COL23A1: variants seen among roughly 807,000 people sequenced by gnomAD.
COL23A1 encodes collagen type XXIII alpha 1 chain, also known as collagen alpha-1(XXIII) chain.
A neutral mutation model predicts 99.3 loss-of-function variants in COL23A1; 97 were observed. That is an observed-to-expected ratio of 0.98 (90% CI 0.83 to 1.16). The LOEUF (loss-of-function observed/expected upper bound fraction) is 1.16. COL23A1 is among the 50% of genes most tolerant of loss of function. The pLI is 0.00. For missense variants in COL23A1, 762 were observed against 757.4 expected (o/e 1.01, Z -0.07); for synonymous variants, 320 against 308.2 (o/e 1.04, Z -0.40).
chr5:178,389,951 A>G (rs1561930142), intron 2 of COL23A1, among the ~76,000 whole-genome samples: 2 of 152,182 alleles, frequency 1.3e-5, no homozygotes, highest in East Asian at 1.9e-4. Context: ...CTAATCTCAC[A>G]TGCTTACAGG....
At chr5:178,286,491 G>A (rs961012247) in intron 5 of COL23A1, among the ~76,000 whole-genome samples, 1 of 152,232 alleles carries the variant, frequency 6.6e-6, no homozygotes, top group Non-Finnish European at 1.5e-5. Context: ...TTTAATTCCC[G>A]ACAGTCCTGT....
At chr5:178,420,387 CT>C (rs1227292072) in intron 2 of COL23A1, among the ~76,000 whole-genome samples, 12 of 122,284 alleles carry the variant, frequency 9.8e-5, no homozygotes, top group African/African-American at 1.7e-4. Context: ...CCCCTCCCCC[CT>C]TTCCCCCTCC....
chr5:178,352,474 T>G (rs1761385784), intron 2 of COL23A1, among the ~76,000 whole-genome samples: 1 of 152,240 alleles, frequency 6.6e-6, no homozygotes, highest in African/African-American at 2.4e-5. Context: ...TTAGAGCAAC[T>G]GCGCTTACAA....
At chr5:178,473,126 T>TC (rs1756847491) in intron 2 of COL23A1, among the ~76,000 whole-genome samples, 1 of 149,542 alleles carries the variant, frequency 6.7e-6, no homozygotes, top group Non-Finnish European at 1.5e-5. Flanking sequence ...CTCTTCGCCA[T>TC]CCCCCCAAAA....
intron 1 of COL23A1, among the ~76,000 whole-genome samples, chr5:178,577,744 G>C (rs1027312262): frequency 2.0e-5 from 3 of 152,244 alleles, no homozygotes; most frequent in Non-Finnish European, 4.4e-5. Context: ...CAAGACCAGC[G>C]AGGCGGATTC....
chr5:178,347,215 C>A (rs1440079515), intron 2 of COL23A1, among the ~76,000 whole-genome samples: 1 of 152,176 alleles, frequency 6.6e-6, no homozygotes, highest in Non-Finnish European at 1.5e-5. Context: ...CCGTGGAACA[C>A]CTGAAATATG....
rs531507674 is a variant in COL23A1, at chr5:178,482,045, G to A, written c.361+78637C>T. 2.0e-5 allele frequency among the ~76,000 whole-genome samples: 3 copies of A among 149,290 alleles called. No individual in the cohort carries two copies. In the South Asian group the frequency reaches 6.3e-4, roughly 31 times the overall value. ...ATTAAAAAAAAAAAAAGGCGCAGCT[G>A]CTGTGGAAAACAATTTGGTAGTTTC... On this transcript the variant is annotated intron_variant, in intron 2 of 28. Transcript: ENST00000390654.
At chr5:178,424,869 A>AGGGGGTTCAGTAAGTGATCT (rs1311520337) in intron 2 of COL23A1, among the ~76,000 whole-genome samples, 1 of 152,186 alleles carries the variant, frequency 6.6e-6, no homozygotes, top group African/African-American at 2.4e-5. Context: ...TACCACACAG[A>AGGGGGTTCAGTAAGTGATCT]GGGGGTTCAG....
chr5:178,543,515 A>T (rs1302996572), intron 2 of COL23A1, among the ~76,000 whole-genome samples: 1 of 152,188 alleles, frequency 6.6e-6, no homozygotes, highest in Non-Finnish European at 1.5e-5. Flanking sequence ...AGGCGTGTTC[A>T]GTTATGAAAT....
chr5:178,244,595 C>T (rs539399307), intron 25 of COL23A1, among the ~76,000 whole-genome samples: 1 of 152,336 alleles, frequency 6.6e-6, no homozygotes, highest in East Asian at 1.9e-4. Flanking sequence ...ATGCTGGTCT[C>T]GAGCTGCTGG....
At chr5:178,345,298 G>A in intron 2 of COL23A1, 1 of 587,544 alleles carries the variant, frequency 1.7e-6, no homozygotes, top group South Asian at 1.6e-5. Context: ...CCCCTAGTTT[G>A]AAAATCACTT....
chr5:178,456,588 C>G (rs1159566623), intron 2 of COL23A1, among the ~76,000 whole-genome samples: 2 of 152,198 alleles, frequency 1.3e-5, no homozygotes, highest in Non-Finnish European at 2.9e-5. Flanking sequence ...ATCCCAGCTA[C>G]TCAGGAGGCT....
At chr5:178,464,843 T>C (rs1047564874) in intron 2 of COL23A1, among the ~76,000 whole-genome samples, 1 of 152,194 alleles carries the variant, frequency 6.6e-6, no homozygotes, top group Non-Finnish European at 1.5e-5. Context: ...GTTCTGTAGA[T>C]GAGGAAGCAG....
At chr5:178,300,701 G>C (rs985478027) in intron 3 of COL23A1, among the ~76,000 whole-genome samples, 4 of 149,436 alleles carry the variant, frequency 2.7e-5, no homozygotes, top group Non-Finnish European at 4.4e-5. Context: ...TGGGACTATA[G>C]GCACGCCTGG....
intron 2 of COL23A1, among the ~76,000 whole-genome samples, chr5:178,381,042 T>C (rs1356330362): frequency 6.6e-6 from 1 of 152,182 alleles, no homozygotes; most frequent in Admixed American, 6.5e-5. Context: ...TTTGCAAGTT[T>C]TCACCTGGAA....
intron 2 of COL23A1, among the ~76,000 whole-genome samples, chr5:178,516,776 A>G (rs543399834): frequency 6.6e-6 from 1 of 152,160 alleles, no homozygotes; most frequent in African/African-American, 2.4e-5. Context: ...CAGGCTCCCC[A>G]GATGCTCCTT....
Position 178,384,029 on chromosome 5 carries a change from C to T in COL23A1, c.362-77110G>A, listed in dbSNP as rs1489635575. On this transcript the variant is annotated intron_variant, in intron 2 of 28. Transcript: ENST00000390654. This position sits in a 1 kb window ranked among gnomAD's most constrained non-coding sequence, Gnocchi z 5.5. ...TGTGTGACACGGGGGCCCAGGACTC[C>T]ACCAGGCGGCCTGTGCAAGCCTGGG... is the stretch of plus-strand genomic sequence containing the variant. Among the ~76,000 whole-genome samples the T allele has an allele frequency of 1.3e-5, 2 of 152,196 alleles. No homozygotes were observed. The highest frequency in any genetic ancestry group is 4.8e-5 in the African/African-American group (2 of 41,442).
intron 2 of COL23A1, among the ~76,000 whole-genome samples, chr5:178,542,034 T>C (rs1259028828): frequency 1.3e-5 from 2 of 152,250 alleles, no homozygotes; most frequent in African/African-American, 2.4e-5. Context: ...CTTTTTATTG[T>C]TGTTTTGAGA....
intron 2 of COL23A1, among the ~76,000 whole-genome samples, chr5:178,359,650 A>C (rs1482491610): frequency 1.3e-5 from 2 of 152,246 alleles, no homozygotes; most frequent in Non-Finnish European, 2.9e-5. Flanking sequence ...GTGAAAACCC[A>C]GTCTACATTT....
Sources: gnomAD v4.1 joint callset for allele counts (sites outside exome capture counted in the v4.1 genomes callset) on GRCh38, gnomAD v4.1.1 for gene constraint, Gnocchi (gnomAD v3.1) non-coding constraint, MANE v1.5 for transcripts, NCBI Gene and HGNC (gene_info 2026-07-23, HGNC 2026-07-21) for gene names.